DOCK3: variants seen among roughly 807,000 people sequenced by gnomAD.
DOCK3 encodes dedicator of cytokinesis 3, also known as dedicator of cytokinesis protein 3.
In DOCK3, 60 loss-of-function variants were observed where a neutral mutation model predicts 265.6. That is an observed-to-expected ratio of 0.23 (90% CI 0.18 to 0.28). The LOEUF (loss-of-function observed/expected upper bound fraction) is 0.28, where lower values mean the gene tolerates loss of function less well. Among genes scored for constraint, DOCK3 ranks in the 10% least tolerant of loss-of-function variants. The probability of loss-of-function intolerance (pLI) is 1.00; values close to 1 mark genes in which losing one functional copy is unlikely to be tolerated. For missense variants in DOCK3, 1,981 were observed against 2,594.3 expected (o/e 0.76, Z 5.14); for synonymous variants, 881 against 938.0 (o/e 0.94, Z 1.11).
At chr3:50,975,842 G>T (rs2077427280) in intron 5 of DOCK3, among the ~76,000 whole-genome samples, 1 of 151,172 alleles carries the variant, frequency 6.6e-6, no homozygotes, top group South Asian at 2.1e-4. Flanking sequence ...TCTATTCAGA[G>T]ATTCAACTTC....
At chr3:50,806,808 G>T (rs2043447070) in intron 2 of DOCK3, among the ~76,000 whole-genome samples, 1 of 152,066 alleles carries the variant, frequency 6.6e-6, no homozygotes, top group Admixed American at 6.5e-5. Flanking sequence ...TCTCAAGATG[G>T]TGTCTTGCTG....
intron 2 of DOCK3, among the ~76,000 whole-genome samples, chr3:50,833,235 G>A (rs561283049): frequency 5.4e-4 from 82 of 152,280 alleles, no homozygotes; most frequent in Non-Finnish European, 1.0e-3. Context: ...CTAAAATGCA[G>A]ATAAAACTTC....
At position 50,751,354 on chromosome 3, in the gene DOCK3, A is replaced by G. The variant is rs148526875; in HGVS notation, c.38-27321A>G. ...TGTGCCATGGTGGTTTGCTGTACCTATCAACCCGTCATCTAGGTTTTAAGC... is the reference window on the plus strand; with the variant it reads ...TGTGCCATGGTGGTTTGCTGTACCTGTCAACCCGTCATCTAGGTTTTAAGC... On this transcript the variant is annotated intron_variant, in intron 1 of 52. Coordinates refer to ENST00000266037, the MANE Select transcript of DOCK3 (RefSeq NM_004947.5). 5.2e-4 allele frequency among the ~76,000 whole-genome samples: 79 copies of G among 151,828 alleles called. 1 individual carries two copies. In the East Asian group the frequency reaches 0.015, roughly 29 times the overall value.
intron 32 of DOCK3, among the ~76,000 whole-genome samples, chr3:51,325,767 A>G (rs1220993001): frequency 6.6e-6 from 1 of 152,212 alleles, no homozygotes; most frequent in African/African-American, 2.4e-5. Flanking sequence ...TTGCAGGGAC[A>G]TGTATGAAGC....
chr3:50,935,350 C>G (rs550854301), intron 5 of DOCK3, among the ~76,000 whole-genome samples: 1 of 152,298 alleles, frequency 6.6e-6, no homozygotes, highest in East Asian at 1.9e-4. Context: ...GGGGATGCCC[C>G]TCTCCAGTGG....
chr3:51,274,438 T>C (rs1349820107), intron 24 of DOCK3, among the ~76,000 whole-genome samples: 2 of 152,154 alleles, frequency 1.3e-5, no homozygotes, highest in African/African-American at 4.8e-5. Context: ...TAAATGGAAT[T>C]TTCACTGTAA....
At position 50,758,177 on chromosome 3, in the gene DOCK3, C is replaced by CAA. The variant is rs771690340; in HGVS notation, c.38-20480_38-20479dup. ...TGGGCGACAGAGCGAGACTCTGTCT[C>CAA]AAAAAAAAAAAAAAAAAAAGAAAAA... On this transcript the variant is annotated intron_variant, in intron 1 of 52. Coordinates refer to ENST00000266037, the MANE Select transcript of DOCK3 (RefSeq NM_004947.5). Among the ~76,000 whole-genome samples, 128 of 23,820 alleles carry CAA rather than the reference C, an allele frequency of 5.4e-3. 22 individuals are homozygous for CAA. The highest frequency in any genetic ancestry group is 0.02 in the East Asian group (11 of 544). 15.6% of individuals were successfully genotyped at this position (23,820 alleles called of 152,430 possible).
At chr3:50,893,075 G>C (rs951936517) in intron 4 of DOCK3, among the ~76,000 whole-genome samples, 1 of 152,018 alleles carries the variant, frequency 6.6e-6, no homozygotes, top group Non-Finnish European at 1.5e-5. Context: ...GAAAAGGTTT[G>C]ACAGGTTCCC....
At chr3:51,245,785 A>G (rs2078810366) in intron 21 of DOCK3, among the ~76,000 whole-genome samples, 1 of 152,150 alleles carries the variant, frequency 6.6e-6, no homozygotes, top group African/African-American at 2.4e-5. Flanking sequence ...TGAAACTCTG[A>G]TACTTTGATG....
intron 23 of DOCK3, among the ~76,000 whole-genome samples, chr3:51,266,430 ACT>A (rs2080172749): frequency 6.6e-6 from 1 of 152,238 alleles, no homozygotes. Context: ...TTCAAACTAT[ACT>A]ACAAGGCTAC....
At chr3:50,891,751 A>T (rs2048651486) in intron 4 of DOCK3, among the ~76,000 whole-genome samples, 1 of 152,130 alleles carries the variant, frequency 6.6e-6, no homozygotes, top group African/African-American at 2.4e-5. Context: ...GGAGATATAG[A>T]TGAAATCTAG....
intron 2 of DOCK3, among the ~76,000 whole-genome samples, chr3:50,806,043 C>T (rs2043392701): frequency 6.6e-6 from 1 of 151,774 alleles, no homozygotes; most frequent in Non-Finnish European, 1.5e-5. Context: ...TAGAGGGTGG[C>T]CCACAGGGCT....
chr3:50,801,573 C>A (rs889238397), intron 2 of DOCK3, among the ~76,000 whole-genome samples: 1 of 152,202 alleles, frequency 6.6e-6, no homozygotes, highest in African/African-American at 2.4e-5. Context: ...GAACTCATAT[C>A]TAACAATCTT....
intron 33 of DOCK3, among the ~76,000 whole-genome samples, chr3:51,332,656 A>G (rs546610498): frequency 6.6e-6 from 1 of 152,344 alleles, no homozygotes; most frequent in Admixed American, 6.5e-5. Flanking sequence ...ACTGGGCAAC[A>G]TAGCAAGACC....
chr3:50,846,452 C>T (rs775910956), intron 3 of DOCK3, among the ~76,000 whole-genome samples: 14 of 152,022 alleles, frequency 9.2e-5, no homozygotes, highest in Admixed American at 5.2e-4. Flanking sequence ...TCAGGGATAT[C>T]GGCCTATAGT....
chr3:50,815,015 G>A (rs1279028921), intron 2 of DOCK3, among the ~76,000 whole-genome samples: 1 of 151,936 alleles, frequency 6.6e-6, no homozygotes, highest in Admixed American at 6.6e-5. Context: ...AGTGGAGATG[G>A]GGTTTCACCA....
Position 51,356,139 on chromosome 3 carries a change from C to G in DOCK3, c.4300C>G (p.Gln1434Glu), listed in dbSNP as rs1316811905. 1 of 1,613,986 alleles carries G rather than the reference C, an allele frequency of 6.2e-7. No individual in the cohort carries two copies. The highest frequency in any genetic ancestry group is 8.5e-7 in the Non-Finnish European group (1 of 1,179,896). The change falls in exon 42 of 53, where the codon CAG (glutamine) becomes GAG (glutamate). Residue 1434 changes from glutamine (Q) to glutamate (E), a missense_variant. By Grantham distance (29) the Gln-to-Glu change is conservative. This residue lies in a region of DOCK3 where 1,357 missense variants were observed against 1,866.8 expected (regional missense o/e 0.73). Coordinates refer to ENST00000266037, the MANE Select transcript of DOCK3 (RefSeq NM_004947.5). ...CATTCCAGATTATGTGGATGTTCTGCAGATGGATAGGGTACCAGATCGAGT... is the reference window on the plus strand; with the variant it reads ...CATTCCAGATTATGTGGATGTTCTGGAGATGGATAGGGTACCAGATCGAGT... The part of the protein sequence containing the change: ...TPIPDYVDVL[Q>E]MDRVPDRVKS...
intron 4 of DOCK3, among the ~76,000 whole-genome samples, chr3:50,908,217 A>G (rs1424801088): frequency 4.3e-5 from 4 of 93,796 alleles, no homozygotes; most frequent in South Asian, 3.2e-4. Context: ...TTTTCATCTC[A>G]ATTTATTTCA....
At chr3:51,198,434 C>T (rs2088460540) in intron 12 of DOCK3, among the ~76,000 whole-genome samples, 1 of 152,172 alleles carries the variant, frequency 6.6e-6, no homozygotes, top group Admixed American at 6.5e-5. Context: ...GTCCCAACAT[C>T]TTCCTAGGGA....
Sources: gnomAD v4.1 joint callset for allele counts (sites outside exome capture counted in the v4.1 genomes callset) on GRCh38, gnomAD v4.1.1 for gene constraint, gnomAD v4.1.1 regional missense constraint, MANE v1.5 for transcripts, NCBI Gene and HGNC (gene_info 2026-07-23, HGNC 2026-07-21) for gene names.